The following ECT2L variants were observed in gnomAD, a reference collection of about 807,000 sequenced individuals.
ECT2L encodes the protein epithelial cell-transforming sequence 2 oncogene-like.
ECT2L carries 126 observed loss-of-function variants against 122.8 expected under a neutral mutation model. The ratio of observed to expected loss-of-function variants is 1.03; its 90% CI spans 0.89 to 1.19. The LOEUF is 1.19. Among genes scored for constraint, ECT2L ranks in the 50% most tolerant of loss-of-function variants. The pLI is 0.00. For synonymous variants in ECT2L, 385 were observed against 381.8 expected (o/e 1.01, Z -0.10); for missense variants, 1,012 against 1,064.1 (o/e 0.95, Z 0.68).
At chr6:138,859,452 C>T (rs1777741635) in intron 10 of ECT2L, among the ~76,000 whole-genome samples, 1 of 152,200 alleles carries the variant, frequency 6.6e-6, no homozygotes, top group Admixed American at 6.5e-5. Flanking sequence ...TATGAAAACA[C>T]CAGCTAAACT....
chr6:138,812,069 G>A (rs1188526354), intron 1 of ECT2L, among the ~76,000 whole-genome samples: 1 of 152,164 alleles, frequency 6.6e-6, no homozygotes, highest in Non-Finnish European at 1.5e-5. Flanking sequence ...AAAAGGAGAA[G>A]CAGAAAGAAG....
intron 9 of ECT2L, 35 bp from the exon 10 acceptor site, chr6:138,853,991 C>T: frequency 1.9e-6 from 3 of 1,602,500 alleles, no homozygotes; most frequent in Non-Finnish European, 2.6e-6. Context: ...TATTATGTTA[C>T]AAGCTAATAT....
chr6:138,897,762 T>A (rs941758484), intron 20 of ECT2L, among the ~76,000 whole-genome samples: 1 of 152,186 alleles, frequency 6.6e-6, no homozygotes, highest in Non-Finnish European at 1.5e-5. Flanking sequence ...AAAGGCTCAA[T>A]TCTAAGCTCA....
In ECT2L at chr6:138,902,593, T is replaced by A. The variant is rs774447151; in HGVS notation, c.2681T>A (p.Leu894His). The change falls in exon 22 of 22, where the codon CTT becomes CAT. Residue 894 changes from leucine to histidine, a missense_variant. Coordinates refer to ENST00000541398, the MANE Select transcript of ECT2L (RefSeq NM_001077706.3). ...EDDKFLWLSV[L>H]RNAIKSSMEK is the part of the protein sequence containing the mutation. ...GATAAGTTCCTATGGCTGTCAGTAC[T>A]TCGAAATGCAATCAAAAGCAGTATG... 51 of 1,613,796 alleles carry A rather than the reference T, an allele frequency of 3.2e-5. No homozygotes were observed. Among genetic ancestry groups the A allele is most frequent in the Non-Finnish European group, 3.9e-5 (46 of 1,179,928 alleles).
intron 11 of ECT2L, among the ~76,000 whole-genome samples, chr6:138,864,341 G>A (rs1777951470): frequency 6.6e-6 from 1 of 152,138 alleles, no homozygotes; most frequent in Non-Finnish European, 1.5e-5. Context: ...AAAACATGTT[G>A]TGAACCTTTT....
chr6:138,884,009 A>G (rs1470696415), intron 16 of ECT2L, among the ~76,000 whole-genome samples: 2 of 152,132 alleles, frequency 1.3e-5, no homozygotes, highest in African/African-American at 4.8e-5. Context: ...GACTACAGGC[A>G]TGTGCCACCA....
chr6:138,804,454 T>A (rs1162486023), intron 1 of ECT2L, among the ~76,000 whole-genome samples: 2 of 152,214 alleles, frequency 1.3e-5, no homozygotes, highest in African/African-American at 4.8e-5. Flanking sequence ...ACCTTTATTA[T>A]CTTATTACTA....
At chr6:138,839,048 G>C (rs1179924407) in intron 5 of ECT2L, among the ~76,000 whole-genome samples, 1 of 152,172 alleles carries the variant, frequency 6.6e-6, no homozygotes, top group Non-Finnish European at 1.5e-5. Context: ...CCAAAGTGCT[G>C]GGATTACAGG....
chr6:138,844,297 T>C, intron 6 of ECT2L, 115 bp from the exon 7 acceptor site: 1 of 1,229,480 alleles, frequency 8.1e-7, no homozygotes, highest in Non-Finnish European at 1.1e-6. Context: ...GCTGTAATTA[T>C]TGTCATTTGG....
chr6:138,850,499 G>A (rs1324879507), intron 9 of ECT2L, among the ~76,000 whole-genome samples: 2 of 148,460 alleles, frequency 1.3e-5, no homozygotes, highest in Non-Finnish European at 3.0e-5. Context: ...CATGTTGTAT[G>A]TGTTCCTTTT....
chr6:138,902,096 G>A (rs1779415627), intron 21 of ECT2L, among the ~76,000 whole-genome samples: 1 of 152,170 alleles, frequency 6.6e-6, no homozygotes, highest in African/African-American at 2.4e-5. Context: ...AATAGACAGT[G>A]GGCATTCAGC....
chr6:138,851,972 G>C (rs968942691), intron 9 of ECT2L, among the ~76,000 whole-genome samples: 8 of 152,262 alleles, frequency 5.3e-5, no homozygotes, highest in African/African-American at 1.9e-4. Flanking sequence ...ACTTGTTACA[G>C]GGCAGCCGTC....
intron 4 of ECT2L, among the ~76,000 whole-genome samples, chr6:138,822,341 C>G (rs1457790956): frequency 6.6e-6 from 1 of 152,010 alleles, no homozygotes; most frequent in East Asian, 1.9e-4. Flanking sequence ...ATCACTTGAG[C>G]TTAGGAGTTC....
rs192249355 is a variant in ECT2L, at chr6:138,865,191, G to A, written c.1474+13G>A. ...GGCAGGATGATAGGTAAGCAGTCTT[G>A]CTACTTCTGTTGCAGGTTAATTATG... On this transcript the variant is annotated intron_variant, in intron 12 of 21. Transcript: ENST00000541398. 515 of 1,584,108 alleles carry A rather than the reference G, an allele frequency of 3.3e-4. 5 individuals are homozygous for A. The highest frequency in any genetic ancestry group is 1.4e-5 in the Non-Finnish European group (16 of 1,159,910).
Position 138,837,240 on chromosome 6 carries a change from A to G in ECT2L, c.180-1112A>G, listed in dbSNP as rs1354292244. On this transcript the variant is annotated intron_variant, in intron 4 of 21. Transcript: ENST00000541398. ...GCTTTCCTCCTTTACATACTTGTAG[A>G]TCCTTTTTCCAAAAGTGAGAAACCT... Among the ~76,000 whole-genome samples the G allele has an allele frequency of 2.0e-5, 3 of 152,292 alleles. No individual in the cohort carries two copies. In the East Asian group the frequency reaches 5.8e-4, roughly 29 times the overall value.
At chr6:138,868,016 A>AAT in intron 12 of ECT2L, 87 bp from the exon 13 acceptor site, 99 of 701,680 alleles carry the variant, frequency 1.4e-4, no homozygotes, top group Non-Finnish European at 2.0e-4. Flanking sequence ...AAAAAAAAAA[A>AAT]AAAGAAACTG....
rs1400229948 is a variant in ECT2L at position 138,903,311 on chromosome 6, G to T, written c.*684G>T. Reference sequence around the variant, plus strand: ...GGAGTCGGAGGTTGTAGTAAGCTGAGATGGCTCCATTGCACTTCAGCCTGG... The same window carrying T: ...GGAGTCGGAGGTTGTAGTAAGCTGATATGGCTCCATTGCACTTCAGCCTGG... On this transcript the variant is annotated 3_prime_UTR_variant, in exon 22 of 22. Coordinates refer to ENST00000541398, the MANE Select transcript of ECT2L (RefSeq NM_001077706.3). 2 of 151,550 alleles carry T rather than the reference G, an allele frequency of 1.3e-5. No individual in the cohort carries two copies. The highest frequency in any genetic ancestry group is 2.9e-5 in the Non-Finnish European group (2 of 67,980). The allele number at this position is 151,550 out of a possible 1,614,324, so 9.4% of individuals were successfully genotyped here. A position where few individuals can be genotyped will look rare whatever the true frequency, so the allele number is the denominator to read the frequency against.
At chr6:138,893,450 TCA>T (rs1268832940) in intron 20 of ECT2L, among the ~76,000 whole-genome samples, 1 of 151,982 alleles carries the variant, frequency 6.6e-6, no homozygotes, top group Non-Finnish European at 1.5e-5. Flanking sequence ...AGACAAGGTC[TCA>T]CTCTTTCACC....
At chr6:138,893,877 A>G (rs1471030895) in intron 20 of ECT2L, among the ~76,000 whole-genome samples, 1 of 151,706 alleles carries the variant, frequency 6.6e-6, no homozygotes, top group African/African-American at 2.4e-5. Flanking sequence ...AAGCATCCCT[A>G]CTCCATGCAG....
Sources: gnomAD v4.1 joint callset for allele counts (sites outside exome capture counted in the v4.1 genomes callset) on GRCh38, gnomAD v4.1.1 for gene constraint, MANE v1.5 for transcripts, NCBI Gene and HGNC (gene_info 2026-07-23, HGNC 2026-07-21) for gene names.